Variants in IMPG1 observed in about 807,000 individuals in gnomAD.
IMPG1 encodes interphotoreceptor matrix proteoglycan of 150 kDa.
A neutral mutation model predicts 92.0 loss-of-function variants in IMPG1; 85 were observed. The ratio of observed to expected loss-of-function variants is 0.92; its 90% CI spans 0.78 to 1.11. The LOEUF is 1.11. Ranked by LOEUF, IMPG1 falls within the 50% of genes least tolerant of loss-of-function variation. IMPG1 has a pLI of 0.00. For synonymous variants in IMPG1, 367 were observed against 334.1 expected, an observed-to-expected ratio of 1.10 and a Z score of -1.08; for missense variants, 1,022 against 956.0, an observed-to-expected ratio of 1.07 and a Z score of -0.91.
chr6:76,041,963 C>A lies in IMPG1; in HGVS notation c.231G>T (p.Gly77=), dbSNP rs764169146. Residue 77 remains glycine (G), a synonymous_variant, in exon 2 of 17, where the codon GGG becomes GGT. Coordinates refer to ENST00000369950, the MANE Select transcript of IMPG1 (RefSeq NM_001563.4). ...RTKRSAFFPT[G]VKVCPQESMK... ...TGGATTCCTGTGGACAGACTTTAAC[C>A]CCCGTTGGGAAAAATGCGGATCTTT... 4.3e-6 allele frequency: 7 copies of A among 1,613,878 alleles called. No individual in the cohort carries two copies. The East Asian group carries it at 6.7e-5, about 15-fold the overall frequency.
At chr6:75,962,097 T>A (rs999358698) in intron 12 of IMPG1, among the ~76,000 whole-genome samples, 14 of 150,722 alleles carry the variant, frequency 9.3e-5, no homozygotes, top group Non-Finnish European at 1.9e-4. Flanking sequence ...CTTCTGCAAT[T>A]GTACCAATTT....
chr6:75,934,895 T>C (rs904914655), intron 14 of IMPG1: 1 of 465,846 alleles, frequency 2.1e-6, no homozygotes, highest in Admixed American at 2.4e-5. Context: ...TATCATCTCC[T>C]GCTTTTGCGC....
chr6:76,028,707 G>A (rs917723755), intron 4 of IMPG1, among the ~76,000 whole-genome samples: 9 of 152,158 alleles, frequency 5.9e-5, no homozygotes, highest in African/African-American at 2.2e-4. Context: ...GTGGGTGCCT[G>A]TAGTCCCAGC....
At chr6:75,993,615 T>G (rs1168188331) in intron 12 of IMPG1, among the ~76,000 whole-genome samples, 1 of 152,176 alleles carries the variant, frequency 6.6e-6, no homozygotes, top group East Asian at 1.9e-4. Flanking sequence ...GGCTCTTACC[T>G]TTGACCTAAT....
At chr6:75,940,380 A>T (rs1781818776) in intron 14 of IMPG1, among the ~76,000 whole-genome samples, 2 of 152,222 alleles carry the variant, frequency 1.3e-5, no homozygotes, top group Admixed American at 6.5e-5. Flanking sequence ...TATTTAATGG[A>T]TTTTATTAAT....
chr6:76,011,066 C>G, intron 8 of IMPG1, 100 bp downstream of exon 8: 1 of 648,366 alleles, frequency 1.5e-6, no homozygotes, highest in East Asian at 2.7e-5. Flanking sequence ...AGCTAAACAA[C>G]TGGGGAAAAA....
chr6:76,057,777 A>C (rs1184287934), intron 1 of IMPG1, among the ~76,000 whole-genome samples: 1 of 152,118 alleles, frequency 6.6e-6, no homozygotes, highest in Admixed American at 6.6e-5. Flanking sequence ...GGGCTAAATT[A>C]AGGACATTTA....
intron 14 of IMPG1, among the ~76,000 whole-genome samples, chr6:75,932,738 T>C (rs549672359): frequency 6.6e-6 from 1 of 152,098 alleles, no homozygotes; most frequent in Admixed American, 6.5e-5. Context: ...CTCGCTCTTA[T>C]TCCCTAGGCT....
At chr6:76,010,013 A>G (rs1783156583) in intron 8 of IMPG1, among the ~76,000 whole-genome samples, 1 of 152,252 alleles carries the variant, frequency 6.6e-6, no homozygotes, top group Non-Finnish European at 1.5e-5. Context: ...ACTACCGAGC[A>G]GCATCTTGAA....
At chr6:76,026,359 C>G (rs937501518) in intron 4 of IMPG1, among the ~76,000 whole-genome samples, 4 of 152,184 alleles carry the variant, frequency 2.6e-5, no homozygotes, top group African/African-American at 9.7e-5. Flanking sequence ...CAAATCCTCT[C>G]GCTGTTGCTT....
At chr6:76,021,172 T>G (rs1783417199) in intron 6 of IMPG1, among the ~76,000 whole-genome samples, 1 of 152,194 alleles carries the variant, frequency 6.6e-6, no homozygotes, top group Admixed American at 6.5e-5. Context: ...AACATTTCCT[T>G]TCTATTGATC....
At chr6:76,064,043 A>G (rs955502181) in intron 1 of IMPG1, among the ~76,000 whole-genome samples, 3 of 152,092 alleles carry the variant, frequency 2.0e-5, no homozygotes, top group Non-Finnish European at 4.4e-5. Context: ...GGAGAGGGGG[A>G]CTACTCATCT....
At chr6:76,064,175 C>A (rs185357724) in intron 1 of IMPG1, among the ~76,000 whole-genome samples, 5 of 152,134 alleles carry the variant, frequency 3.3e-5, no homozygotes, top group African/African-American at 9.6e-5. Context: ...TGGAGGACAG[C>A]CATTCTAGGG....
intron 12 of IMPG1, among the ~76,000 whole-genome samples, chr6:75,992,574 T>A (rs1782829107): frequency 6.6e-6 from 1 of 152,156 alleles, no homozygotes; most frequent in South Asian, 2.1e-4. Flanking sequence ...TCACACCAAA[T>A]ACAGAACAAA....
intron 15 of IMPG1, among the ~76,000 whole-genome samples, chr6:75,924,693 A>ATATATGATATATTATATATCAT (rs375540782): frequency 2.5e-4 from 1 of 4,034 alleles, no homozygotes; most frequent in African/African-American, 4.4e-4. Context: ...ATTATATATA[A>ATATATGATATATTATATATCAT]ATAATTATAT....
At chr6:76,059,572 G>T (rs1008950155) in intron 1 of IMPG1, among the ~76,000 whole-genome samples, 1 of 152,086 alleles carries the variant, frequency 6.6e-6, no homozygotes, top group Non-Finnish European at 1.5e-5. Flanking sequence ...TGGCTTTTGA[G>T]TTAATAGTAA....
chr6:76,007,429 T>G, intron 9 of IMPG1, 51 bp downstream of exon 9: 1 of 1,386,620 alleles, frequency 7.2e-7, no homozygotes, highest in Non-Finnish European at 1.0e-6. Flanking sequence ...AGTATATAAA[T>G]TTGGGGGAGA....
chr6:76,011,204 T>C lies in IMPG1; in HGVS notation c.828A>G (p.Lys276=). The C allele has an allele frequency of 6.4e-7, 1 of 1,553,894 alleles. No individual in the cohort carries two copies. The highest frequency in any genetic ancestry group is 1.7e-4 in the Middle Eastern group (1 of 5,918). The part of the protein sequence containing the change: ...SQLQMQKIFK[K]LPGFKKIHVL... ...CATGGATTTTTTTGAATCCTGGAAG[T>C]TTCTTAAATATCTTTTGCATCTGCA... is the stretch of plus-strand genomic sequence containing the variant. The change falls in exon 8 of 17, where the codon AAA becomes AAG. Residue 276 remains lysine, a synonymous_variant. Transcript: ENST00000369950.
At chr6:76,026,716 T>C (rs1783544427) in intron 4 of IMPG1, among the ~76,000 whole-genome samples, 2 of 152,226 alleles carry the variant, frequency 1.3e-5, no homozygotes, top group South Asian at 2.1e-4. Flanking sequence ...AATGTTTTTT[T>C]TTCTTTTCTC....
Sources: gnomAD v4.1 joint callset for allele counts (sites outside exome capture counted in the v4.1 genomes callset) on GRCh38, gnomAD v4.1.1 for gene constraint, MANE v1.5 for transcripts, NCBI Gene and HGNC (gene_info 2026-07-23, HGNC 2026-07-21) for gene names.